The following STK26 variants were observed in gnomAD, a reference collection of about 807,000 sequenced individuals.
STK26 encodes the protein serine/threonine-protein kinase 26.
Under a neutral mutation model 34.7 loss-of-function variants are expected in STK26, and 14 were observed. That is an observed-to-expected ratio of 0.40 (90% CI 0.27 to 0.63). STK26 has a LOEUF of 0.63. Ranked by LOEUF, STK26 falls within the 30% of genes least tolerant of loss-of-function variation. The pLI, the probability that STK26 is intolerant of heterozygous loss-of-function variation, is 0.38. For synonymous variants in STK26, 100 were observed against 109.8 expected (o/e 0.91, Z 0.56); for missense variants, 226 against 309.1 (o/e 0.73, Z 2.02).
At chrX:132,060,153 T>C (rs1477209249) in intron 3 of STK26, among the ~76,000 whole-genome samples, 1 of 112,285 alleles carries the variant, frequency 8.9e-6, no homozygotes, top group Non-Finnish European at 1.9e-5. Flanking sequence ...TCATCTACTT[T>C]CGTCTGACAA....
chrX:132,047,706 T>C (rs1424667443), intron 2 of STK26, among the ~76,000 whole-genome samples: 1 of 112,078 alleles, frequency 8.9e-6, no homozygotes, highest in African/African-American at 3.2e-5. Flanking sequence ...ATCATTTTTC[T>C]TTAAAATTGT....
chrX:132,075,267 AT>A lies in STK26; in HGVS notation c.*1110del, dbSNP rs1927564306. 9.0e-6 allele frequency: 1 copy of A among 111,266 alleles called. No individual in the cohort carries two copies. The highest frequency in any genetic ancestry group is 2.8e-4 in the East Asian group (1 of 3,571). 9.2% of individuals were successfully genotyped at this position (111,266 alleles called of 1,213,427 possible). On this transcript the variant is annotated 3_prime_UTR_variant, in exon 12 of 12. Transcript: ENST00000394334. Reference sequence around the variant, plus strand: ...AATTTTCACTTATATTTATGGTACTATTATGTGGGTGATGCCTTTTTCTTTT... The same window carrying A: ...AATTTTCACTTATATTTATGGTACTATATGTGGGTGATGCCTTTTTCTTTT...
intron 2 of STK26, among the ~76,000 whole-genome samples, chrX:132,028,846 C>T (rs760213840): frequency 1.8e-5 from 2 of 111,570 alleles, no homozygotes; most frequent in East Asian, 5.6e-4. Flanking sequence ...GTACCAGAGT[C>T]CAGTATGTGG....
intron 2 of STK26, among the ~76,000 whole-genome samples, chrX:132,025,535 AC>A (rs1166198891): frequency 9.0e-6 from 1 of 111,188 alleles, no homozygotes; most frequent in East Asian, 2.8e-4. Flanking sequence ...TGAATCATAT[AC>A]TTTAAATTAC....
intron 3 of STK26, 21 bp from the exon 4 acceptor site, chrX:132,063,412 A>C (rs1927121628): frequency 7.5e-6 from 9 of 1,196,599 alleles, no homozygotes; most frequent in Non-Finnish European, 1.0e-5. Context: ...GTAATTATTA[A>C]ATTGTTTCAT....
chrX:132,047,687 T>C (rs943508330), intron 2 of STK26, among the ~76,000 whole-genome samples: 3 of 111,905 alleles, frequency 2.7e-5, no homozygotes, highest in African/African-American at 9.7e-5. Context: ...AAGTCAAGAT[T>C]ACTTATGAAT....
intron 4 of STK26, among the ~76,000 whole-genome samples, chrX:132,067,833 C>G (rs755177118): frequency 9.0e-6 from 1 of 111,487 alleles, no homozygotes; most frequent in African/African-American, 3.3e-5. Context: ...CAGCAATTGC[C>G]TGAATTTAAG....
chrX:132,045,100 A>G (rs1926453459), intron 2 of STK26, among the ~76,000 whole-genome samples: 1 of 108,344 alleles, frequency 9.2e-6, no homozygotes, highest in African/African-American at 3.4e-5. Context: ...TCACGTGTAT[A>G]TAATGGGACA....
chrX:132,034,878 G>C (rs1206637234), intron 2 of STK26, among the ~76,000 whole-genome samples: 1 of 110,595 alleles, frequency 9.0e-6, no homozygotes, highest in Non-Finnish European at 1.9e-5. Flanking sequence ...TGATTGAATA[G>C]ATCTGAGGTG....
chrX:132,040,569 GAA>G lies in STK26; in HGVS notation c.43-14059_43-14058del, dbSNP rs774821035. On this transcript the variant is annotated intron_variant, in intron 2 of 11. Transcript: ENST00000394334. ...GTATTTTTCTCGGTTTCTAGAGAAAGAAAATAAAAATGGGAGCATTTTATAAA... is the reference window on the plus strand; with the variant it reads ...GTATTTTTCTCGGTTTCTAGAGAAAGAATAAAAATGGGAGCATTTTATAAA... Among the ~76,000 whole-genome samples the G allele has an allele frequency of 2.8e-4, 31 of 111,922 alleles. No individual in the cohort carries two copies. In the East Asian group the frequency reaches 6.1e-3, roughly 22 times the overall value.
chrX:132,068,599 G>A (rs750983458), intron 6 of STK26, 30 bp downstream of exon 6: 11 of 1,171,900 alleles, frequency 9.4e-6, no homozygotes, highest in Non-Finnish European at 1.3e-5. Context: ...AACTGTTTTG[G>A]GCTTGTTAAT....
intron 2 of STK26, among the ~76,000 whole-genome samples, chrX:132,042,623 C>T (rs1177934038): frequency 9.0e-6 from 1 of 111,489 alleles, no homozygotes; most frequent in Non-Finnish European, 1.9e-5. Flanking sequence ...TAAAAACTAA[C>T]AATAAGCATT....
intron 2 of STK26, among the ~76,000 whole-genome samples, chrX:132,027,485 G>A (rs1935124296): frequency 2.7e-5 from 3 of 111,746 alleles, no homozygotes; most frequent in South Asian, 7.4e-4. Context: ...TTATTGGGAC[G>A]TAACCACATT....
At chrX:132,031,516 A>G (rs189994702) in intron 2 of STK26, among the ~76,000 whole-genome samples, 60 of 112,053 alleles carry the variant, frequency 5.4e-4, no homozygotes, top group Non-Finnish European at 2.3e-4. Context: ...AATACTCACA[A>G]TTCTACTATC....
rs193206254 is a variant in STK26 at position 132,054,767 on chromosome X, C to T, written c.179C>T (p.Ala60Val). 8 of 1,209,140 alleles carry T rather than the reference C, an allele frequency of 6.6e-6. No individual in the cohort carries two copies. The highest frequency in any genetic ancestry group is 7.8e-6 in the Non-Finnish European group (7 of 894,829). ...ATTAAAATCATAGACCTTGAGGAAG[C>T]CGAAGATGAAATAGAAGACATTCAG... ...VAIKIIDLEE[A>V]EDEIEDIQQE... The change falls in exon 3 of 12, where the codon GCC (alanine) becomes GTC (valine). Residue 60 changes from alanine (A) to valine (V), a missense_variant. By Grantham distance (64) the Ala-to-Val change is moderately conservative (BLOSUM62 0). Coordinates refer to ENST00000394334, the MANE Select transcript of STK26 (RefSeq NM_016542.4).
chrX:132,035,669 A>G (rs1327127217), intron 2 of STK26, among the ~76,000 whole-genome samples: 1 of 109,664 alleles, frequency 9.1e-6, no homozygotes, highest in African/African-American at 3.3e-5. Flanking sequence ...GTTTATGCTT[A>G]TAGTTGCTAA....
Position 132,070,978 on chromosome X carries a change from G to A in STK26, c.784-91G>A. 4 of 963,980 alleles carry A rather than the reference G, an allele frequency of 4.1e-6. No homozygotes were observed. The Admixed American group carries it at 8.9e-5, about 21-fold the overall frequency. 79.4% of individuals were successfully genotyped at this position (963,980 alleles called of 1,213,427 possible). A position where few individuals can be genotyped will look rare whatever the true frequency, so the allele number is the denominator to read the frequency against. On this transcript the variant is annotated intron_variant, in intron 7 of 11. Transcript: ENST00000394334. ...TACAGACATACCTTTATACCTTTCA[G>A]CTTAATAATTCAAATGATTTTTTTT... is the stretch of plus-strand genomic sequence containing the variant.
chrX:132,034,292 C>CTTTTTTTTTTTT lies in STK26; in HGVS notation c.42+10654_42+10665dup, dbSNP rs561602079. On this transcript the variant is annotated intron_variant, in intron 2 of 11. Coordinates refer to ENST00000394334, the MANE Select transcript of STK26 (RefSeq NM_016542.4). ...TGAATGCCAGAATGAGACATTTATT[C>CTTTTTTTTTTTT]TTTTTTTTTTTTTTTTTTTTTTTTT... is the stretch of plus-strand genomic sequence containing the variant. 3.1e-4 allele frequency among the ~76,000 whole-genome samples: 13 copies of CTTTTTTTTTTTT among 41,375 alleles called. 2 individuals carry two copies. Among genetic ancestry groups the CTTTTTTTTTTTT allele is most frequent in the East Asian group, 1.1e-3 (1 of 885 alleles). The allele number at this position is 41,375 out of a possible 115,157, so 35.9% of individuals were successfully genotyped here. A position where few individuals can be genotyped will look rare whatever the true frequency, so the allele number is the denominator to read the frequency against.
chrX:132,023,707 C>A, intron 2 of STK26, 48 bp downstream of exon 2: 1 of 1,152,654 alleles, frequency 8.7e-7, no homozygotes, highest in Non-Finnish European at 1.2e-6. Flanking sequence ...TGCTTGGGAG[C>A]CCGGTGCGCC....
Sources: gnomAD v4.1 joint callset for allele counts (sites outside exome capture counted in the v4.1 genomes callset) on GRCh38, gnomAD v4.1.1 for gene constraint, MANE v1.5 for transcripts, NCBI Gene and HGNC (gene_info 2026-07-23, HGNC 2026-07-21) for gene names.